The following NARS1 variants were observed in gnomAD, a reference collection of about 807,000 sequenced individuals.
NARS1 encodes the protein asparaginyl-tRNA synthetase 1.
In NARS1, 65 loss-of-function variants were observed where a neutral mutation model predicts 79.2. That is an observed-to-expected ratio of 0.82 (90% CI 0.67 to 1.01). The LOEUF (loss-of-function observed/expected upper bound fraction) is 1.01, where lower values mean the gene tolerates loss of function less well. NARS1 is among the 50% of genes least tolerant of loss of function. The pLI, the probability that NARS1 is intolerant of heterozygous loss-of-function variation, is 0.00. For synonymous variants in NARS1, 229 were observed against 238.8 expected (o/e 0.96, Z 0.38); for missense variants, 649 against 673.8 (o/e 0.96, Z 0.41).
intron 5 of NARS1, 144 bp downstream of exon 5, chr18:57,613,458 A>C: frequency 3.0e-6 from 2 of 662,744 alleles, no homozygotes; most frequent in Non-Finnish European, 5.1e-6. Context: ...GCACCACTGC[A>C]CTCCAGCCTG....
chr18:57,605,626 A>T (rs1290383979), intron 11 of NARS1, among the ~76,000 whole-genome samples: 1 of 151,466 alleles, frequency 6.6e-6, no homozygotes, highest in East Asian at 1.9e-4. Context: ...AAAAAAAAAA[A>T]AAGAAAAAAA....
chr18:57,609,262 C>G, intron 7 of NARS1, 95 bp downstream of exon 7: 1 of 995,238 alleles, frequency 1.0e-6, no homozygotes, highest in Non-Finnish European at 1.6e-6. Flanking sequence ...TCTGAAGAAC[C>G]CTAATACATA....
intron 2 of NARS1, among the ~76,000 whole-genome samples, chr18:57,617,572 CAAAA>C (rs59412339): frequency 9.0e-5 from 6 of 66,606 alleles, no homozygotes; most frequent in African/African-American, 1.4e-4. Flanking sequence ...GACTCCGTCT[CAAAA>C]AAAAAAAAAA....
chr18:57,616,220 C>A (rs1337979125), intron 2 of NARS1, among the ~76,000 whole-genome samples: 1 of 151,960 alleles, frequency 6.6e-6, no homozygotes, highest in Non-Finnish European at 1.5e-5. Context: ...GAGATCGAGA[C>A]CATCCTGGCT....
At chr18:57,606,989 G>T in intron 9 of NARS1, 145 bp downstream of exon 9, 2 of 1,003,388 alleles carry the variant, frequency 2.0e-6, no homozygotes, top group Non-Finnish European at 2.9e-6. Context: ...ATCTAAGGTG[G>T]CAAAACTTTG....
At position 57,621,734 on chromosome 18, in the gene NARS1, G is replaced by C. The variant is rs756150796; in HGVS notation, c.-17C>G. 1 of 1,613,948 alleles carries C rather than the reference G, an allele frequency of 6.2e-7. No homozygotes were observed. The highest frequency in any genetic ancestry group is 8.5e-7 in the Non-Finnish European group (1 of 1,180,022). On this transcript the variant is annotated 5_prime_UTR_variant, in exon 1 of 14. Transcript: ENST00000256854. ...TAGCACCATGCCTGCAGTGGCCCTGGTCACCTCCAAGGACACAGACTGCAA... is the reference window on the plus strand; with the variant it reads ...TAGCACCATGCCTGCAGTGGCCCTGCTCACCTCCAAGGACACAGACTGCAA...
At chr18:57,616,290 G>A (rs185407484) in intron 2 of NARS1, among the ~76,000 whole-genome samples, 24 of 152,156 alleles carry the variant, frequency 1.6e-4, no homozygotes, top group African/African-American at 5.1e-4. Flanking sequence ...TGTGGTGGCA[G>A]GCACCTGTAG....
intron 2 of NARS1, among the ~76,000 whole-genome samples, chr18:57,618,381 A>G (rs963943548): frequency 3.9e-5 from 6 of 152,042 alleles, no homozygotes; most frequent in African/African-American, 1.2e-4. Flanking sequence ...GAATTCACTT[A>G]TTACCCGACA....
At chr18:57,611,850 C>A (rs746682737) in intron 5 of NARS1, 143 bp from the exon 6 acceptor site, 3 of 334,860 alleles carry the variant, frequency 9.0e-6, no homozygotes, top group Non-Finnish European at 1.1e-5. Context: ...GCAGCCTCTA[C>A]CTCCTGGGCT....
intron 1 of NARS1, 98 bp from the exon 2 acceptor site, chr18:57,620,749 C>A: frequency 6.3e-6 from 4 of 634,058 alleles, no homozygotes; most frequent in African/African-American, 1.9e-5. Flanking sequence ...GAACAAGCAT[C>A]GATTAATAAA....
At chr18:57,616,000 C>T (rs1045120094) in intron 2 of NARS1, 25 bp from the exon 3 acceptor site, 1 of 1,567,358 alleles carries the variant, frequency 6.4e-7, no homozygotes, top group Non-Finnish European at 8.6e-7. Context: ...AGAGAAAAGA[C>T]AGTTCTTGAA....
Position 57,606,708 on chromosome 18 carries a change from C to T in NARS1, c.1045G>A (p.Asp349Asn), listed in dbSNP as rs746281483. Residue 349 changes from aspartate to asparagine, a missense_variant, in exon 10 of 14, where the codon GAC (aspartate) becomes AAC (asparagine). Asp to Asn is a conservative substitution (Grantham distance 23). Transcript: ENST00000256854. ...AAGTCCTCCAACCGGTTCAGGAGGTCGTCAAAAGTCAGGAAAGGACACTCA... is the reference window on the plus strand; with the variant it reads ...AAGTCCTCCAACCGGTTCAGGAGGTTGTCAAAAGTCAGGAAAGGACACTCA... ...EAECPFLTFD[D>N]LLNRLEDLVC... is the part of the protein sequence containing the mutation. The T allele has an allele frequency of 8.1e-6, 13 of 1,613,950 alleles. No individual in the cohort carries two copies. Among genetic ancestry groups the T allele is most frequent in the South Asian group, 1.1e-5 (1 of 91,076 alleles).
chr18:57,607,399 G>C (rs368512318), intron 8 of NARS1, 45 bp downstream of exon 8: 3 of 1,609,758 alleles, frequency 1.9e-6, no homozygotes, highest in Non-Finnish European at 2.6e-6. Context: ...GTTTCAAAAC[G>C]GCAAAAAACA....
At chr18:57,616,366 G>A (rs1908029438) in intron 2 of NARS1, among the ~76,000 whole-genome samples, 1 of 150,944 alleles carries the variant, frequency 6.6e-6, no homozygotes, top group Admixed American at 6.6e-5. Context: ...CTTGCAGTGA[G>A]CCAAGATCGT....
In NARS1 at chr18:57,616,375, G is replaced by A. The variant is rs887277114; in HGVS notation, c.94-400C>T. On this transcript the variant is annotated intron_variant, in intron 2 of 13. Coordinates refer to ENST00000256854, the MANE Select transcript of NARS1 (RefSeq NM_004539.4). Reference sequence around the variant, plus strand: ...GCGGAGCTTGCAGTGAGCCAAGATCGTGCCACTGCACTCCAGCCTGGGCAA... The same window carrying A: ...GCGGAGCTTGCAGTGAGCCAAGATCATGCCACTGCACTCCAGCCTGGGCAA... Among the ~76,000 whole-genome samples, 7 of 150,760 alleles carry A rather than the reference G, an allele frequency of 4.6e-5. No homozygotes were observed. The East Asian group carries it at 1.2e-3, about 25-fold the overall frequency.
At chr18:57,614,355 G>C (rs1227426842) in intron 4 of NARS1, among the ~76,000 whole-genome samples, 1 of 152,096 alleles carries the variant, frequency 6.6e-6, no homozygotes, top group Non-Finnish European at 1.5e-5. Flanking sequence ...ACAAAAATTA[G>C]CCAGGCGTGG....
At chr18:57,605,801 G>T in intron 11 of NARS1, 56 bp downstream of exon 11, 1 of 1,161,818 alleles carries the variant, frequency 8.6e-7, no homozygotes, top group Non-Finnish European at 1.2e-6. Flanking sequence ...TTAACCAGAA[G>T]AAGAGAATTG....
intron 11 of NARS1, among the ~76,000 whole-genome samples, chr18:57,604,666 GA>G (rs1463977463): frequency 6.6e-5 from 10 of 152,132 alleles, no homozygotes; most frequent in African/African-American, 2.2e-4. Context: ...GGGGTGGGAG[GA>G]CTGCTTGAGC....
chr18:57,616,072 G>T, intron 2 of NARS1, 97 bp from the exon 3 acceptor site: 1 of 1,131,574 alleles, frequency 8.8e-7, no homozygotes. Flanking sequence ...AACAATCTAA[G>T]CATAAAGACC....
Sources: gnomAD v4.1 joint callset for allele counts (sites outside exome capture counted in the v4.1 genomes callset) on GRCh38, gnomAD v4.1.1 for gene constraint, MANE v1.5 for transcripts, NCBI Gene and HGNC (gene_info 2026-07-23, HGNC 2026-07-21) for gene names.